The following WLS variants were observed in gnomAD, a reference collection of about 807,000 sequenced individuals.
The protein encoded by WLS is Wnt ligand secretion mediator.
WLS carries 23 observed loss-of-function variants against 62.8 expected under a neutral mutation model. The ratio of observed to expected loss-of-function variants is 0.37; its 90% CI spans 0.26 to 0.52. The LOEUF is 0.52. Among genes scored for constraint, WLS ranks in the 20% least tolerant of loss-of-function variants. WLS has a pLI of 0.92. For missense variants in WLS, 615 were observed against 697.3 expected (o/e 0.88, Z 1.33); for synonymous variants, 246 against 244.1 (o/e 1.01, Z -0.07).
At chr1:68,172,671 CA>C (rs140531533) in intron 2 of WLS, among the ~76,000 whole-genome samples, 3 of 152,234 alleles carry the variant, frequency 2.0e-5, no homozygotes, top group African/African-American at 4.8e-5. Context: ...ACAGAAGACA[CA>C]ATCTTCTGGC....
chr1:68,153,742 G>C, intron 4 of WLS, 89 bp from the exon 5 acceptor site: 1 of 1,557,488 alleles, frequency 6.4e-7, no homozygotes, highest in Non-Finnish European at 8.8e-7. Context: ...GAGGTAAGTG[G>C]AGACCTCGTC....
At chr1:68,208,139 A>T (rs552751675) in intron 1 of WLS, among the ~76,000 whole-genome samples, 1 of 152,380 alleles carries the variant, frequency 6.6e-6, no homozygotes, top group South Asian at 2.1e-4. Flanking sequence ...TATCTTAAGC[A>T]GCCTGTTATT....
In WLS at chr1:68,198,251, T is replaced by C. The variant is rs112858570; in HGVS notation, c.107-4024A>G. On this transcript the variant is annotated intron_variant, in intron 1 of 11. Coordinates refer to ENST00000262348, the MANE Select transcript of WLS (RefSeq NM_024911.7). ...TCACTGTAAACTGGTTAACTCATGG[T>C]TGGTTAAGATAGCCTTGGGAATATG... Among the ~76,000 whole-genome samples the C allele has an allele frequency of 4.6e-3, 702 of 152,316 alleles. 4 individuals carry two copies. Among genetic ancestry groups the C allele is most frequent in the Middle Eastern group, 0.017 (5 of 294 alleles).
chr1:68,121,966 C>T (rs1270092345), downstream of WLS, among the ~76,000 whole-genome samples: 1 of 152,202 alleles, frequency 6.6e-6, no homozygotes, highest in Non-Finnish European at 1.5e-5. Context: ...CACCAAAAAC[C>T]TTCTATTTCC....
chr1:68,154,154 G>A (rs920638418), intron 4 of WLS, among the ~76,000 whole-genome samples: 1 of 151,984 alleles, frequency 6.6e-6, no homozygotes, highest in Non-Finnish European at 1.5e-5. Flanking sequence ...CCACATTTGA[G>A]GTAGAACCAG....
chr1:68,192,268 AGTAAAAATAATT>A (rs1460850357), intron 2 of WLS, among the ~76,000 whole-genome samples: 1 of 152,208 alleles, frequency 6.6e-6, no homozygotes, highest in Non-Finnish European at 1.5e-5. Flanking sequence ...TCCTAAACAG[AGTAAAAATAATT>A]GTACATCAAG....
intron 1 of WLS, among the ~76,000 whole-genome samples, chr1:68,208,144 G>A (rs1649359215): frequency 6.6e-6 from 1 of 152,220 alleles, no homozygotes; most frequent in Non-Finnish European, 1.5e-5. Context: ...TAAGCAGCCT[G>A]TTATTTGAGG....
intron 5 of WLS, among the ~76,000 whole-genome samples, 196 bp from the exon 6 acceptor site, chr1:68,150,552 A>G (rs1202022245): frequency 6.6e-6 from 1 of 152,146 alleles, no homozygotes; most frequent in African/African-American, 2.4e-5. Flanking sequence ...TGCTATACCA[A>G]CCTTTCTATG....
chr1:68,151,910 G>A (rs1277431911), intron 5 of WLS, among the ~76,000 whole-genome samples: 1 of 152,182 alleles, frequency 6.6e-6, no homozygotes, highest in African/African-American at 2.4e-5. Context: ...TAGGCTGCAG[G>A]GAGGCACGTG....
At chr1:68,168,757 G>C (rs1647100723) in intron 2 of WLS, among the ~76,000 whole-genome samples, 1 of 152,222 alleles carries the variant, frequency 6.6e-6, no homozygotes, top group African/African-American at 2.4e-5. Context: ...AGAGGCCACA[G>C]AGACAAATCT....
At chr1:68,186,633 T>C (rs1182706070) in intron 2 of WLS, 4 of 456,142 alleles carry the variant, frequency 8.8e-6, no homozygotes, top group Non-Finnish European at 1.8e-5. Context: ...AACTCTTCTC[T>C]GAAGTCCTGT....
In WLS at chr1:68,201,754, CA is replaced by C. The variant is rs1293461119; in HGVS notation, c.107-7528del. ...TTCCTTTACACTGAACCACTACCAC[CA>C]AAACACAAACATACATACTACATAG... is the stretch of plus-strand genomic sequence containing the variant. On this transcript the variant is annotated intron_variant, in intron 1 of 11. Coordinates refer to ENST00000262348, the MANE Select transcript of WLS (RefSeq NM_024911.7). Among the ~76,000 whole-genome samples, 4 of 152,144 alleles carry C rather than the reference CA, an allele frequency of 2.6e-5. No homozygotes were observed. The South Asian group carries it at 6.2e-4, about 24-fold the overall frequency.
At position 68,126,181 on chromosome 1, in the gene WLS, G is replaced by A; in HGVS notation, c.*45C>T. 2 of 1,610,218 alleles carry A rather than the reference G, an allele frequency of 1.2e-6. No homozygotes were observed. The highest frequency in any genetic ancestry group is 1.7e-6 in the Non-Finnish European group (2 of 1,178,252). ...GGCATGCTCCCCACTCTAGTTAGAGGGGCTGGGGTATGGAGAGACCGTCCC... is the reference window on the plus strand; with the variant it reads ...GGCATGCTCCCCACTCTAGTTAGAGAGGCTGGGGTATGGAGAGACCGTCCC... On this transcript the variant is annotated 3_prime_UTR_variant, in exon 12 of 12. Coordinates refer to ENST00000262348, the MANE Select transcript of WLS (RefSeq NM_024911.7).
At chr1:68,171,343 T>C (rs1647150040) in intron 2 of WLS, among the ~76,000 whole-genome samples, 1 of 152,148 alleles carries the variant, frequency 6.6e-6, no homozygotes, top group Non-Finnish European at 1.5e-5. Context: ...AAACAGCTTC[T>C]GCACAGCAAA....
At chr1:68,113,181 C>T (rs1029797162) in intron 11 of WLS, among the ~76,000 whole-genome samples, 2 of 152,192 alleles carry the variant, frequency 1.3e-5, no homozygotes, top group African/African-American at 4.8e-5. Flanking sequence ...CATCCAACCT[C>T]GCATGTCCGT....
chr1:68,225,251 ATTTTC>A (rs1650095838), intron 1 of WLS, among the ~76,000 whole-genome samples: 4 of 152,000 alleles, frequency 2.6e-5, no homozygotes, highest in African/African-American at 9.7e-5. Context: ...ATACATCATT[ATTTTC>A]TTTAATTTAG....
In WLS at chr1:68,159,160, ACT is replaced by A; in HGVS notation, c.465_466del (p.Arg155SerfsTer18). On this transcript the variant is annotated frameshift_variant, in exon 3 of 12. Coordinates refer to ENST00000262348, the MANE Select transcript of WLS (RefSeq NM_024911.7). LOFTEE classifies it high-confidence loss of function. ...GAAGGTGCATTTGAGTTTCCGTGGT[ACT>A]CTTTCATGGGCCATTTCAGTCCACT... The A allele has an allele frequency of 4.3e-6, 7 of 1,614,058 alleles. No individual in the cohort carries two copies. The highest frequency in any genetic ancestry group is 5.9e-6 in the Non-Finnish European group (7 of 1,180,006).
intron 1 of WLS, among the ~76,000 whole-genome samples, chr1:68,221,329 T>G (rs1407577026): frequency 6.6e-6 from 1 of 152,090 alleles, no homozygotes; most frequent in African/African-American, 2.4e-5. Context: ...CCTCATATGA[T>G]CCTCAAGAAG....
At chr1:68,152,141 G>C (rs1254115711) in intron 5 of WLS, among the ~76,000 whole-genome samples, 1 of 152,200 alleles carries the variant, frequency 6.6e-6, no homozygotes, top group Non-Finnish European at 1.5e-5. Flanking sequence ...TGGGGATCCT[G>C]GGAGGGAATA....
Sources: gnomAD v4.1 joint callset for allele counts (sites outside exome capture counted in the v4.1 genomes callset) on GRCh38, gnomAD v4.1.1 for gene constraint, MANE v1.5 for transcripts, NCBI Gene and HGNC (gene_info 2026-07-23, HGNC 2026-07-21) for gene names.